SDHAF2: variants seen among roughly 807,000 people sequenced by gnomAD.
The protein encoded by SDHAF2 is succinate dehydrogenase complex assembly factor 2, also known as succinate dehydrogenase assembly factor 2, mitochondrial.
In SDHAF2, 21 loss-of-function variants were observed where a neutral mutation model predicts 18.5. The ratio of observed to expected loss-of-function variants is 1.13; its 90% CI spans 0.80 to 1.63. The LOEUF (loss-of-function observed/expected upper bound fraction) is 1.63. SDHAF2 is among the 40% of genes most tolerant of loss of function. The pLI is 0.00. For missense variants in SDHAF2, 195 were observed against 200.3 expected, an observed-to-expected ratio of 0.97 and a Z score of 0.16; for synonymous variants, 84 against 70.7, an observed-to-expected ratio of 1.19 and a Z score of -0.94.
chr11:61,439,543 A>G (rs1862038501), intron 3 of SDHAF2, among the ~76,000 whole-genome samples: 1 of 152,196 alleles, frequency 6.6e-6, no homozygotes. Flanking sequence ...TCATTCTGCC[A>G]CACTCCGGGA....
chr11:61,431,106 C>A (rs956096402), intron 1 of SDHAF2: 4 of 152,058 alleles, frequency 2.6e-5, no homozygotes, highest in African/African-American at 9.7e-5. Context: ...CTCACTGCAA[C>A]CTCCACCTAC....
chr11:61,443,247 T>C (rs1466460875), intron 3 of SDHAF2, among the ~76,000 whole-genome samples: 1 of 152,226 alleles, frequency 6.6e-6, no homozygotes, highest in Non-Finnish European at 1.5e-5. Flanking sequence ...GTTTTTAGCA[T>C]TTCCATTTGA....
chr11:61,441,094 G>A (rs1862060149), intron 3 of SDHAF2, among the ~76,000 whole-genome samples: 1 of 152,072 alleles, frequency 6.6e-6, no homozygotes, highest in South Asian at 2.1e-4. Flanking sequence ...CTACTTGGGA[G>A]GATCACTTGA....
chr11:61,444,978 T>C (rs1862120929), intron 3 of SDHAF2, among the ~76,000 whole-genome samples: 1 of 152,136 alleles, frequency 6.6e-6, no homozygotes, highest in Admixed American at 6.6e-5. Context: ...GTTGTTACAG[T>C]GAGTGCAATA....
At position 61,430,178 on chromosome 11, in the gene SDHAF2, C is replaced by G. The variant is rs148425779; in HGVS notation, c.32C>G (p.Ser11Trp). MAVSTVFSTS[S>W]LMLALSRHSL... ...GTGTCTACAGTGTTCTCGACTTCGT[C>G]GCTGGTGAGGAGAGAGAACGTTCTA... The change falls in exon 1 of 4, where the codon TCG (serine) becomes TGG (tryptophan). Residue 11 changes from serine (S) to tryptophan (W), a missense_variant. Transcript: ENST00000301761. 6.2e-7 allele frequency: 1 copy of G among 1,614,188 alleles called. No individual in the cohort carries two copies. The highest frequency in any genetic ancestry group is 1.7e-5 in the Admixed American group (1 of 60,028).
chr11:61,442,586 C>T (rs1229715502), intron 3 of SDHAF2, among the ~76,000 whole-genome samples: 1 of 152,018 alleles, frequency 6.6e-6, no homozygotes, highest in African/African-American at 2.4e-5. Context: ...CTTTTGGGTT[C>T]TCTGGGCATC....
At position 61,441,141 on chromosome 11, in the gene SDHAF2, C is replaced by T. The variant is rs754401620; in HGVS notation, c.370+3028C>T. Among the ~76,000 whole-genome samples the T allele has an allele frequency of 3.9e-5, 6 of 152,176 alleles. No individual in the cohort carries two copies. In the South Asian group the frequency reaches 1.0e-3, roughly 26 times the overall value. ...CAGAGACTGCAATGACCTATGATCA[C>T]GCCACTGCATTTCAGCCTGGGCAAG... On this transcript the variant is annotated intron_variant, in intron 3 of 3. Coordinates refer to ENST00000301761, the MANE Select transcript of SDHAF2 (RefSeq NM_017841.4).
At chr11:61,434,921 G>A (rs544168015) in intron 1 of SDHAF2, 7 of 151,818 alleles carry the variant, frequency 4.6e-5, no homozygotes, top group East Asian at 2.0e-4. Context: ...TAGTAGAGAC[G>A]GGGTTTCACC....
At chr11:61,434,031 G>A (rs1861964261) in intron 1 of SDHAF2, 1 of 152,194 alleles carries the variant, frequency 6.6e-6, no homozygotes, top group Non-Finnish European at 1.5e-5. Flanking sequence ...GGGACTATAG[G>A]GTCATGCCAC....
chr11:61,436,289 C>G (rs763310527), intron 1 of SDHAF2, among the ~76,000 whole-genome samples: 1 of 152,146 alleles, frequency 6.6e-6, no homozygotes, highest in Non-Finnish European at 1.5e-5. Context: ...TGCTTAGAGA[C>G]AGAAACCAGT....
chr11:61,441,540 T>C (rs1196520078), intron 3 of SDHAF2, among the ~76,000 whole-genome samples: 1 of 146,870 alleles, frequency 6.8e-6, no homozygotes, highest in East Asian at 2.0e-4. Context: ...AAAAAAAAGA[T>C]CAGACTCAAC....
At chr11:61,430,795 G>A (rs1270767526) in intron 1 of SDHAF2, 4 of 151,804 alleles carry the variant, frequency 2.6e-5, no homozygotes, top group Admixed American at 2.6e-4. Flanking sequence ...CTAGCCTGCT[G>A]TTATAAAGTA....
intron 3 of SDHAF2, 46 bp from the exon 4 acceptor site, chr11:61,445,895 T>C (rs777538044): frequency 2.5e-6 from 4 of 1,612,106 alleles, no homozygotes; most frequent in African/African-American, 1.3e-5. Context: ...TACCTGAGCA[T>C]TGACTGACTA....
At chr11:61,439,309 C>T (rs1048992309) in intron 3 of SDHAF2, among the ~76,000 whole-genome samples, 4 of 152,184 alleles carry the variant, frequency 2.6e-5, no homozygotes, top group Non-Finnish European at 5.9e-5. Flanking sequence ...TGATCCAGGA[C>T]AGCCATATTT....
chr11:61,434,614 A>G (rs1405837798), intron 1 of SDHAF2: 2 of 127,768 alleles, frequency 1.6e-5, no homozygotes, highest in African/African-American at 4.9e-5. Context: ...TTTTTTTAGA[A>G]AAAACCCTGA....
Position 61,437,809 on chromosome 11 carries a change from G to A in SDHAF2, c.221G>A (p.Ser74Asn), listed in dbSNP as rs1060503389. 4.0e-5 allele frequency: 64 copies of A among 1,613,934 alleles called. No homozygotes were observed. Among genetic ancestry groups the A allele is most frequent in the Non-Finnish European group, 5.2e-5 (61 of 1,180,040 alleles). Reference protein sequence around the residue: ...ETKRARLLYESRKRGMLENCI... With the variant: ...ETKRARLLYENRKRGMLENCI... ...AAAAGAGCCCGCCTGCTCTATGAGA[G>A]CAGAAAGAGGGGAATGTTGGAAAAC... Residue 74 changes from serine (S) to asparagine (N), a missense_variant, in exon 2 of 4, where the codon AGC (serine) becomes AAC (asparagine). Ser to Asn is a conservative substitution (Grantham distance 46, BLOSUM62 1). Coordinates refer to ENST00000301761, the MANE Select transcript of SDHAF2 (RefSeq NM_017841.4).
rs976313802 is a variant in SDHAF2 at position 61,446,438 on chromosome 11, G to T, written c.*367G>T. ...TCAAAGAAAAGAGGCAGCCAGCTGT[G>T]CGTGCTGTATGGAAAGCCTCCCGCC... On this transcript the variant is annotated 3_prime_UTR_variant, in exon 4 of 4. Transcript: ENST00000301761. 4 of 570,424 alleles carry T rather than the reference G, an allele frequency of 7.0e-6. No individual in the cohort carries two copies. The African/African-American group carries it at 7.5e-5, about 11-fold the overall frequency. 35.3% of individuals were successfully genotyped at this position (570,424 alleles called of 1,614,324 possible).
intron 1 of SDHAF2, chr11:61,436,779 G>T: frequency 5.1e-6 from 4 of 789,834 alleles, no homozygotes; most frequent in Non-Finnish European, 7.5e-6. Flanking sequence ...TTTGTTTGTT[G>T]CTGTTGGCTC....
chr11:61,442,957 G>T (rs947037765), intron 3 of SDHAF2, among the ~76,000 whole-genome samples: 20 of 152,288 alleles, frequency 1.3e-4, no homozygotes, highest in African/African-American at 4.8e-4. Context: ...GTTTCACCAT[G>T]TTGGCCAGGC....
Sources: allele counts gnomAD v4.1 joint callset (sites outside exome capture counted in the v4.1 genomes callset), GRCh38; gene constraint gnomAD v4.1.1; transcripts MANE v1.5; gene names NCBI Gene and HGNC (gene_info 2026-07-23, HGNC 2026-07-21).